AFTPH: variants seen among roughly 807,000 people sequenced by gnomAD.
AFTPH encodes aftiphilin protein.
In AFTPH, 7 loss-of-function variants were observed where a neutral mutation model predicts 72.5. The ratio of observed to expected loss-of-function variants is 0.10; its 90% CI spans 0.05 to 0.18. The LOEUF (loss-of-function observed/expected upper bound fraction) is 0.18. AFTPH is among the 10% of genes least tolerant of loss of function. The probability of loss-of-function intolerance (pLI) is 1.00; values close to 1 mark genes in which losing one functional copy is unlikely to be tolerated. For missense variants in AFTPH, 979 were observed against 1,060.5 expected, an observed-to-expected ratio of 0.92 and a Z score of 1.07; for synonymous variants, 337 against 370.1, an observed-to-expected ratio of 0.91 and a Z score of 1.03.
chr2:64,543,570 A>T (rs945076980), intron 1 of AFTPH, among the ~76,000 whole-genome samples: 1 of 151,988 alleles, frequency 6.6e-6, no homozygotes, highest in African/African-American at 2.4e-5. Flanking sequence ...AGAATCAGAT[A>T]TTTTTTTTCC....
At chr2:64,578,666 T>TCCTGCCTCAGCCTC (rs1481485813) in intron 6 of AFTPH, among the ~76,000 whole-genome samples, 1 of 151,966 alleles carries the variant, frequency 6.6e-6, no homozygotes, top group Non-Finnish European at 1.5e-5. Context: ...CAAGCAATTC[T>TCCTGCCTCAGCCTC]CCTGCCTCAG....
At chr2:64,551,408 G>A in intron 1 of AFTPH, 35 bp from the exon 2 acceptor site, 1 of 1,480,074 alleles carries the variant, frequency 6.8e-7, no homozygotes, top group Non-Finnish European at 9.1e-7. Context: ...TATGTAATCT[G>A]TCCCCTCCAA....
At chr2:64,583,091 A>G (rs981242856) in intron 7 of AFTPH, among the ~76,000 whole-genome samples, 4 of 152,180 alleles carry the variant, frequency 2.6e-5, no homozygotes, top group Non-Finnish European at 5.9e-5. Context: ...TTTTATTGCT[A>G]TTGGGTTTTG....
chr2:64,552,537 G>A lies in AFTPH; in HGVS notation c.1063G>A (p.Glu355Lys), dbSNP rs753805196. ...CATTAGGAGAGAACAATGTAAAACTGAAGAAAAACTTGACTTACTTACTTC... is the reference window on the plus strand; with the variant it reads ...CATTAGGAGAGAACAATGTAAAACTAAAGAAAAACTTGACTTACTTACTTC... Residue 355 changes from glutamate to lysine, a missense_variant, in exon 2 of 9, where the codon GAA (glutamate) becomes AAA (lysine). Transcript: ENST00000238856. 5.6e-6 allele frequency: 9 copies of A among 1,613,914 alleles called. No individual in the cohort carries two copies. In the East Asian group the frequency reaches 1.8e-4, roughly 32 times the overall value.
exon 9 of AFTPH, chr2:64,592,441 A>G (rs1202802673): frequency 6.5e-6 from 1 of 153,216 alleles, no homozygotes; most frequent in Non-Finnish European, 1.5e-5. Context: ...TTCATATTAC[A>G]TGTCAAATTA....
At chr2:64,537,419 CTAAAA>C (rs1356032151) in intron 1 of AFTPH, among the ~76,000 whole-genome samples, 1 of 151,868 alleles carries the variant, frequency 6.6e-6, no homozygotes, top group Non-Finnish European at 1.5e-5. Flanking sequence ...ACCCCTGAAC[CTAAAA>C]TAAAAGTTTA....
chr2:64,563,396 T>C (rs1436847193), intron 2 of AFTPH, among the ~76,000 whole-genome samples: 1 of 152,212 alleles, frequency 6.6e-6, no homozygotes, highest in East Asian at 1.9e-4. Context: ...TTATCCCAAG[T>C]GCTCAAATTT....
chr2:64,552,738 G>C, exon 2 of AFTPH: 1 of 1,614,182 alleles, frequency 6.2e-7, no homozygotes, highest in Non-Finnish European at 8.5e-7. Context: ...TAATGACTTT[G>C]TGACTTGCAA....
At chr2:64,538,932 A>G (rs1413316673) in intron 1 of AFTPH, among the ~76,000 whole-genome samples, 1 of 152,190 alleles carries the variant, frequency 6.6e-6, no homozygotes, top group African/African-American at 2.4e-5. Context: ...CAGCACTGTC[A>G]GAGGAATGGC....
intron 6 of AFTPH, among the ~76,000 whole-genome samples, chr2:64,578,637 A>C (rs1672973595): frequency 6.6e-6 from 1 of 151,502 alleles, no homozygotes; most frequent in Admixed American, 6.6e-5. Flanking sequence ...GGCTCACTGC[A>C]ACCTCCACCT....
rs774669104 is a variant in AFTPH at position 64,555,989 on chromosome 2, C to CTTTTTTTTTTTTTTTTTT, written c.1935+2595_1935+2596insTTTTTTTTTTTTTTTTTT. On this transcript the variant is annotated intron_variant, in intron 2 of 8. Transcript: ENST00000238856. ...TGTTTGGAACAGCACGAATTCCTCA[C>CTTTTTTTTTTTTTTTTTT]TTTTTTTTTTTTTTTGGAGACAGAA... Among the ~76,000 whole-genome samples, 343 of 133,954 alleles carry CTTTTTTTTTTTTTTTTTT rather than the reference C, an allele frequency of 2.6e-3. 30 individuals are homozygous for CTTTTTTTTTTTTTTTTTT. Among genetic ancestry groups the CTTTTTTTTTTTTTTTTTT allele is most frequent in the East Asian group, 0.012 (49 of 4,230 alleles). The allele number at this position is 133,954 out of a possible 152,430, so 87.9% of individuals were successfully genotyped here.
intron 8 of AFTPH, among the ~76,000 whole-genome samples, chr2:64,587,637 G>A (rs1673592735): frequency 6.6e-6 from 1 of 152,204 alleles, no homozygotes; most frequent in African/African-American, 2.4e-5. Context: ...GTTAAACAGT[G>A]GTCAAGGTAG....
intron 4 of AFTPH, 23 bp from the exon 5 acceptor site, chr2:64,569,600 C>G (rs781668964): frequency 3.7e-6 from 6 of 1,610,954 alleles, no homozygotes; most frequent in Non-Finnish European, 5.1e-6. Flanking sequence ...AATATATGTT[C>G]TTTCTGTCTA....
At chr2:64,531,884 C>T (rs766084776) in intron 1 of AFTPH, among the ~76,000 whole-genome samples, 16 of 152,196 alleles carry the variant, frequency 1.1e-4, no homozygotes, top group Non-Finnish European at 2.1e-4. Context: ...CTAGAAATGA[C>T]ACTTTTTATT....
intron 1 of AFTPH, among the ~76,000 whole-genome samples, chr2:64,528,804 C>T (rs771838626): frequency 6.6e-6 from 1 of 152,072 alleles, no homozygotes. Flanking sequence ...TTTTAGGGTC[C>T]TTACAGAAAT....
At chr2:64,557,684 T>C (rs574022003) in intron 2 of AFTPH, among the ~76,000 whole-genome samples, 239 of 152,324 alleles carry the variant, frequency 1.6e-3, no homozygotes, top group African/African-American at 5.6e-3. Flanking sequence ...TCTTCACTTA[T>C]TTAGTCATCT....
chr2:64,566,018 G>A (rs1672068662), intron 2 of AFTPH, among the ~76,000 whole-genome samples: 1 of 152,140 alleles, frequency 6.6e-6, no homozygotes, highest in Non-Finnish European at 1.5e-5. Flanking sequence ...TAACAAAGAG[G>A]ATACAAGAAA....
intron 1 of AFTPH, among the ~76,000 whole-genome samples, chr2:64,543,570 AT>A (rs1263533381): frequency 2.0e-5 from 3 of 151,988 alleles, no homozygotes; most frequent in African/African-American, 7.3e-5. Flanking sequence ...AGAATCAGAT[AT>A]TTTTTTTCCT....
At chr2:64,564,671 C>CT (rs766256446) in intron 2 of AFTPH, among the ~76,000 whole-genome samples, 11 of 151,960 alleles carry the variant, frequency 7.2e-5, no homozygotes, top group Non-Finnish European at 1.3e-4. Flanking sequence ...GTCTTGGCCC[C>CT]TGGATCTATA....
Sources: allele counts gnomAD v4.1 joint callset (sites outside exome capture counted in the v4.1 genomes callset), GRCh38; gene constraint gnomAD v4.1.1; transcripts MANE v1.5; gene names NCBI Gene and HGNC (gene_info 2026-07-23, HGNC 2026-07-21).